The following FTSJ3 variants were observed in gnomAD, a reference collection of about 807,000 sequenced individuals.
The protein encoded by FTSJ3 is pre-rRNA 2'-O-ribose RNA methyltransferase FTSJ3.
Under a neutral mutation model 111.5 loss-of-function variants are expected in FTSJ3, and 46 were observed. The ratio of observed to expected loss-of-function variants is 0.41; its 90% CI spans 0.33 to 0.53. The LOEUF (loss-of-function observed/expected upper bound fraction) is 0.53, where lower values mean the gene tolerates loss of function less well. Among genes scored for constraint, FTSJ3 ranks in the 20% least tolerant of loss-of-function variants. The pLI, the probability that FTSJ3 is intolerant of heterozygous loss-of-function variation, is 0.19. For synonymous variants in FTSJ3, 408 were observed against 383.0 expected (o/e 1.07, Z -0.76); for missense variants, 1,075 against 1,063.8 (o/e 1.01, Z -0.15).
In FTSJ3 at chr17:63,820,323, G is replaced by T. The variant is rs144719287; in HGVS notation, c.2188C>A (p.Arg730Ser). The T allele has an allele frequency of 6.2e-7, 1 of 1,613,134 alleles. No individual in the cohort carries two copies. The highest frequency in any genetic ancestry group is 8.5e-7 in the Non-Finnish European group (1 of 1,179,952). ...GGACGTGCATTGATTTCCCGCCAGC[G>T]TTTCCGGTAATGCTCCACCTCCTTC... Reference protein sequence around the residue: ...GKKEVEHYRKRWREINARPIK... With the variant: ...GKKEVEHYRKSWREINARPIK... Residue 730 changes from arginine to serine, a missense_variant, in exon 19 of 21, where the codon CGC (arginine) becomes AGC (serine). Physicochemically the swap from Arg to Ser is moderately radical, Grantham distance 110. Transcript: ENST00000427159.
At position 63,822,045 on chromosome 17, in the gene FTSJ3, C is replaced by A; in HGVS notation, c.1414G>T (p.Asp472Tyr). The stretch of plus-strand genomic sequence containing the variant: ...CCTGCCAGCTCCTCTGGATCCAGGT[C>A]ACTATCCAGAGATGTGTCATCACCG... ...DDGDDTSLDSDLDPEELAGVR... is the reference protein window; with the variant it reads ...DDGDDTSLDSYLDPEELAGVR... The change falls in exon 14 of 21, where the codon GAC becomes TAC. Residue 472 changes from aspartate to tyrosine, a missense_variant. Physicochemically the swap from Asp to Tyr is radical, Grantham distance 160 (BLOSUM62 -3). Transcript: ENST00000427159. 6.2e-7 allele frequency: 1 copy of A among 1,614,164 alleles called. No homozygotes were observed. Among genetic ancestry groups the A allele is most frequent in the South Asian group, 1.1e-5 (1 of 91,058 alleles).
intron 13 of FTSJ3, among the ~76,000 whole-genome samples, chr17:63,822,656 G>A (rs937651430): frequency 3.9e-5 from 6 of 152,124 alleles, no homozygotes; most frequent in African/African-American, 1.4e-4. Flanking sequence ...TGGGTATGGT[G>A]GCTCACACCT....
In FTSJ3 at chr17:63,827,439, G is replaced by C. The variant is rs758145577; in HGVS notation, c.-414C>G. The C allele has an allele frequency of 2.1e-5, 32 of 1,551,578 alleles. No homozygotes were observed. The highest frequency in any genetic ancestry group is 2.8e-5 in the Non-Finnish European group (32 of 1,146,996). ...TCAGGTCCCAATCCTCCGCTTCCGC[G>C]CTTGCGCGCCAAGACGGCTCGGATG... On this transcript the variant is annotated 5_prime_UTR_variant, in exon 1 of 21. Transcript: ENST00000427159.
chr17:63,824,982 G>A (rs185296600), intron 8 of FTSJ3, 53 bp from the exon 9 acceptor site: 263 of 1,581,028 alleles, frequency 1.7e-4, no homozygotes, highest in Middle Eastern at 1.3e-3. Context: ...GTACCTGTAG[G>A]ACCCACCAGG....
rs767767668 is a variant in FTSJ3, at chr17:63,820,332, A to G, written c.2179T>C (p.Tyr727His). The G allele has an allele frequency of 6.2e-7, 1 of 1,613,682 alleles. No homozygotes were observed. Among genetic ancestry groups the G allele is most frequent in the African/African-American group, 1.3e-5 (1 of 74,860 alleles). The change falls in exon 19 of 21, where the codon TAC (tyrosine) becomes CAC (histidine). Residue 727 changes from tyrosine to histidine, a missense_variant. Physicochemically the swap from Tyr to His is moderately conservative, Grantham distance 83. Around this residue, in one of 2 missense-constraint regions of FTSJ3, gnomAD observed 867 missense variants for 796.9 expected, o/e 1.09. Transcript: ENST00000427159. Reference protein sequence around the residue: ...LPVGKKEVEHYRKRWREINAR... With the variant: ...LPVGKKEVEHHRKRWREINAR... ...TTGATTTCCCGCCAGCGTTTCCGGT[A>G]ATGCTCCACCTCCTTCTTACCAACA...
chr17:63,825,380 T>G lies in FTSJ3; in HGVS notation c.457A>C (p.Ser153Arg). The G allele has an allele frequency of 6.2e-7, 1 of 1,614,182 alleles. No homozygotes were observed. Among genetic ancestry groups the G allele is most frequent in the Non-Finnish European group, 8.5e-7 (1 of 1,180,028 alleles). ...LACDFLARGGSFITKVFRSRD... is the reference protein window; with the variant it reads ...LACDFLARGGRFITKVFRSRD... Reference sequence around the variant, plus strand: ...GAACGGAAAACCTTTGTGATGAAGCTGCCACCACGGGCCAAAAAGTCACAA... The same window carrying G: ...GAACGGAAAACCTTTGTGATGAAGCGGCCACCACGGGCCAAAAAGTCACAA... Residue 153 changes from serine to arginine, a missense_variant, in exon 7 of 21, where the codon AGC becomes CGC. By Grantham distance (110) the Ser-to-Arg change is moderately radical. Coordinates refer to ENST00000427159, the MANE Select transcript of FTSJ3 (RefSeq NM_017647.4).
chr17:63,824,897 G>T lies in FTSJ3; in HGVS notation c.744C>A (p.Leu248=), dbSNP rs2040083641. The change falls in exon 9 of 21, where the codon CTC becomes CTA. Residue 248 remains leucine, a synonymous_variant. Coordinates refer to ENST00000427159, the MANE Select transcript of FTSJ3 (RefSeq NM_017647.4). ...AEGYAEGDLT[L]YHRTSVTDFL... ...AGTCAGTGACTGAGGTACGGTGATA[G>T]AGAGTGAGGTCACCCTCAGCATAGC... is the stretch of plus-strand genomic sequence containing the variant. 6.3e-7 allele frequency: 1 copy of T among 1,592,370 alleles called. No homozygotes were observed. Among genetic ancestry groups the T allele is most frequent in the South Asian group, 1.1e-5 (1 of 86,974 alleles).
At chr17:63,822,703 T>C (rs530241394) in intron 13 of FTSJ3, among the ~76,000 whole-genome samples, 4 of 152,262 alleles carry the variant, frequency 2.6e-5, no homozygotes, top group South Asian at 2.1e-4. Flanking sequence ...GGCAGGAGGA[T>C]TGCTTGATGC....
In FTSJ3 at chr17:63,824,305, CCTGCCTCG is replaced by C; in HGVS notation, c.998+18_998+25del. 1 of 1,614,130 alleles carries C rather than the reference CCTGCCTCG, an allele frequency of 6.2e-7. No individual in the cohort carries two copies. Among genetic ancestry groups the C allele is most frequent in the Non-Finnish European group, 8.5e-7 (1 of 1,179,942 alleles). The stretch of plus-strand genomic sequence containing the variant: ...TTTTCCCCTGGACACCCAGTCCACA[CCTGCCTCG>C]CTGCGTTCTCTCCTCACCTGATGTC... On this transcript the variant is annotated intron_variant, in intron 11 of 20. Coordinates refer to ENST00000427159, the MANE Select transcript of FTSJ3 (RefSeq NM_017647.4).
chr17:63,827,603 C>A lies in FTSJ3; in HGVS notation c.-578G>T. On this transcript the variant is annotated 5_prime_UTR_variant, in exon 1 of 21. Transcript: ENST00000427159. ...AGTGGAGAGCGGGCCGGGGCAGGAG[C>A]GTCGGGTGGGTCGGAGGTGCCTGGA... 1 of 1,549,500 alleles carries A rather than the reference C, an allele frequency of 6.5e-7. No individual in the cohort carries two copies. Among genetic ancestry groups the A allele is most frequent in the Non-Finnish European group, 8.7e-7 (1 of 1,146,060 alleles).
Position 63,827,041 on chromosome 17 carries a change from C to A in FTSJ3, c.-27+11G>T. 2.5e-6 allele frequency: 2 copies of A among 793,456 alleles called. No homozygotes were observed. The highest frequency in any genetic ancestry group is 2.5e-5 in the East Asian group (1 of 39,804). 49.2% of individuals were successfully genotyped at this position (793,456 alleles called of 1,614,324 possible). ...CAGCAATTCCACCCCGCGCCCCTCT[C>A]CGCACACTACCTAGACCCAGAGCCG... On this transcript the variant is annotated intron_variant, in intron 1 of 20. Coordinates refer to ENST00000427159, the MANE Select transcript of FTSJ3 (RefSeq NM_017647.4).
chr17:63,826,168 G>T, intron 4 of FTSJ3, 33 bp from the exon 5 acceptor site: 1 of 1,612,050 alleles, frequency 6.2e-7, no homozygotes. Flanking sequence ...ATTCTAAAAG[G>T]TTGCTTCAAG....
At position 63,819,932 on chromosome 17, in the gene FTSJ3, T is replaced by C; in HGVS notation, c.2414A>G (p.Lys805Arg). 1 of 1,614,178 alleles carries C rather than the reference T, an allele frequency of 6.2e-7. No homozygotes were observed. Among genetic ancestry groups the C allele is most frequent in the Non-Finnish European group, 8.5e-7 (1 of 1,180,026 alleles). The stretch of plus-strand genomic sequence containing the variant: ...CCGGCGCACTTTGCGGCCCACACCT[T>C]TTTTGGCTACAACGTAGGTGACATG... ...KRHVTYVVAK[K>R]GVGRKVRRPA... The change falls in exon 21 of 21, where the codon AAA (lysine) becomes AGA (arginine). Residue 805 changes from lysine (K) to arginine (R), a missense_variant. Around this residue, in one of 2 missense-constraint regions of FTSJ3, gnomAD observed 867 missense variants for 796.9 expected, o/e 1.09. Transcript: ENST00000427159.
intron 19 of FTSJ3, 35 bp from the exon 20 acceptor site, chr17:63,820,208 T>TCCCCCCCCCCCCCCCCCCCC: frequency 1.4e-6 from 1 of 694,922 alleles, no homozygotes; most frequent in Non-Finnish European, 2.2e-6. Context: ...CTCTTCCCCA[T>TCCCCCCCCCCCCCCCCCCCC]CCCCCCACCC....
Position 63,824,702 on chromosome 17 carries a change from T to C in FTSJ3, c.852A>G (p.Pro284=), listed in dbSNP as rs1477943768. 1 of 1,614,150 alleles carries C rather than the reference T, an allele frequency of 6.2e-7. No homozygotes were observed. The highest frequency in any genetic ancestry group is 1.1e-5 in the South Asian group (1 of 91,090). The change falls in exon 10 of 21, where the codon CCA becomes CCG. Residue 284 remains proline, a synonymous_variant. Transcript: ENST00000427159. The part of the protein sequence containing the change: ...MVDDEELAQH[P]ATTEDIRVCC... Reference sequence around the variant, plus strand: ...ACACCCGTATGTCCTCAGTGGTAGCTGGATGCTGTGCCAACTCTTCATCAT... The same window carrying C: ...ACACCCGTATGTCCTCAGTGGTAGCCGGATGCTGTGCCAACTCTTCATCAT...
intron 14 of FTSJ3, 30 bp downstream of exon 14, chr17:63,821,954 C>T: frequency 3.1e-6 from 5 of 1,612,682 alleles, no homozygotes; most frequent in Non-Finnish European, 4.2e-6. Flanking sequence ...AGAGTGGCAG[C>T]ATTCCCTTTG....
intron 19 of FTSJ3, 40 bp downstream of exon 19, chr17:63,820,215 A>ACCCCCCCCCCCC: frequency 3.6e-6 from 1 of 279,826 alleles, no homozygotes. Flanking sequence ...CCATCCCCCC[A>ACCCCCCCCCCCC]CCCCCACCCC....
Position 63,821,457 on chromosome 17 carries a change from T to C in FTSJ3, c.1783A>G (p.Thr595Ala). 6.2e-7 allele frequency: 1 copy of C among 1,614,186 alleles called. No homozygotes were observed. The highest frequency in any genetic ancestry group is 8.5e-7 in the Non-Finnish European group (1 of 1,180,034). ...GCTTCTGTCCCCGAAGAAGCCTCTG[T>C]TCCCTTAGGGGCTTCATCTTGGTAC... ...PLYQDEAPKG[T>A]EASSGTEAAT... is the part of the protein sequence containing the mutation. Residue 595 changes from threonine to alanine, a missense_variant, in exon 16 of 21, where the codon ACA becomes GCA. Coordinates refer to ENST00000427159, the MANE Select transcript of FTSJ3 (RefSeq NM_017647.4).
intron 10 of FTSJ3, 67 bp from the exon 11 acceptor site, chr17:63,824,478 G>C: frequency 6.4e-7 from 1 of 1,556,468 alleles, no homozygotes; most frequent in Non-Finnish European, 8.9e-7. Flanking sequence ...TCTGTTTTAG[G>C]CTCACTACCC....
Sources: gnomAD v4.1 joint callset for allele counts (sites outside exome capture counted in the v4.1 genomes callset) on GRCh38, gnomAD v4.1.1 for gene constraint, gnomAD v4.1.1 regional missense constraint, MANE v1.5 for transcripts, NCBI Gene and HGNC (gene_info 2026-07-23, HGNC 2026-07-21) for gene names.